The following RSPH14 variants were observed in gnomAD, a reference collection of about 807,000 sequenced individuals.
RSPH14 encodes radial spoke head 14 homolog.
RSPH14 carries 20 observed loss-of-function variants against 26.7 expected under a neutral mutation model. The ratio of observed to expected loss-of-function variants is 0.75; its 90% CI spans 0.53 to 1.09. The LOEUF (loss-of-function observed/expected upper bound fraction) is 1.09, where lower values mean the gene tolerates loss of function less well. Among genes scored for constraint, RSPH14 ranks in the 50% least tolerant of loss-of-function variants. RSPH14 has a pLI of 0.00. For missense variants in RSPH14, 449 were observed against 457.2 expected (o/e 0.98, Z 0.16); for synonymous variants, 177 against 189.3 (o/e 0.93, Z 0.53).
At chr22:23,158,762 C>T in the RSPH14 span, 8 of 740,960 alleles carry the variant, frequency 1.1e-5, no homozygotes, top group African/African-American at 6.9e-5. Context: ...CCTGCTCAGC[C>T]AGTGTGGGCC....
chr22:23,110,323 C>T (rs894880524), intron 4 of RSPH14, among the ~76,000 whole-genome samples: 3 of 152,176 alleles, frequency 2.0e-5, no homozygotes, highest in African/African-American at 7.2e-5. Context: ...AACTGGAGGG[C>T]ATCACGGCAG....
chr22:23,177,994 TCTCA>T, the RSPH14 span, among the ~76,000 whole-genome samples: 1 of 151,938 alleles, frequency 6.6e-6, no homozygotes, highest in Non-Finnish European at 1.5e-5. Flanking sequence ...AGAGATGGAG[TCTCA>T]CTATGTTGCC....
chr22:23,090,533 C>A (rs947121175), intron 4 of RSPH14, among the ~76,000 whole-genome samples: 1 of 152,146 alleles, frequency 6.6e-6, no homozygotes. Context: ...GCTCCTGACT[C>A]GCCCTTAAGT....
chr22:23,076,165 C>T (rs749274635), intron 4 of RSPH14, among the ~76,000 whole-genome samples: 3 of 152,170 alleles, frequency 2.0e-5, no homozygotes, highest in Non-Finnish European at 2.9e-5. Context: ...TGTAGAACAG[C>T]GCCATGTTCC....
At chr22:23,155,570 G>A in the RSPH14 span, among the ~76,000 whole-genome samples, 2 of 152,346 alleles carry the variant, frequency 1.3e-5, no homozygotes, top group Admixed American at 6.5e-5. Context: ...AGCCACTGCT[G>A]GAGGCCCCGC....
upstream of RSPH14, chr22:23,145,935 A>C (rs2070746638): frequency 1.0e-5 from 10 of 978,264 alleles, no homozygotes; most frequent in South Asian, 4.7e-4. Flanking sequence ...CCCCAGGCCC[A>C]CCTAGAGCCT....
chr22:23,145,059 G>GT, upstream of RSPH14: 1 of 442,604 alleles, frequency 2.3e-6, no homozygotes, highest in East Asian at 3.7e-5. Flanking sequence ...TCAGTAGATG[G>GT]TAGGCAGGTC....
intron 4 of RSPH14, chr22:23,124,322 T>G (rs1479621096): frequency 2.5e-6 from 1 of 393,670 alleles, no homozygotes. Context: ...CAAAACATAT[T>G]TTTTTTCAGG....
At chr22:23,124,214 G>GTTT (rs755464439) in intron 4 of RSPH14, 5 of 146,566 alleles carry the variant, frequency 3.4e-5, no homozygotes, top group Non-Finnish European at 1.5e-5. Flanking sequence ...TTGTTTTTTG[G>GTTT]TTTTTTTTTT....
the RSPH14 span, chr22:23,153,398 C>T: frequency 4.4e-6 from 1 of 225,280 alleles, no homozygotes; most frequent in Non-Finnish European, 7.4e-6. Flanking sequence ...TCCCCAATGC[C>T]CACCCCACTC....
intron 4 of RSPH14, chr22:23,096,062 G>T: frequency 6.2e-7 from 1 of 1,607,824 alleles, no homozygotes; most frequent in Non-Finnish European, 8.5e-7. Context: ...GATCACACCC[G>T]AGCTGCTGGG....
At chr22:23,152,563 C>G in the RSPH14 span, 5 of 1,595,150 alleles carry the variant, frequency 3.1e-6, no homozygotes, top group East Asian at 1.1e-4. Context: ...CCACCTCCCC[C>G]AGCACCAGGT....
At chr22:23,130,496 A>AAAAGAAAGAAAGAAAGAAAG (rs1555939817) in intron 4 of RSPH14, among the ~76,000 whole-genome samples, 1 of 110,684 alleles carries the variant, frequency 9.0e-6, no homozygotes. Flanking sequence ...GAAGGAAAGA[A>AAAAGAAAGAAAGAAAGAAAG]AAAGAAAGAA....
intron 4 of RSPH14, among the ~76,000 whole-genome samples, chr22:23,066,434 A>G (rs1050256240): frequency 5.9e-5 from 9 of 152,202 alleles, no homozygotes; most frequent in Non-Finnish European, 8.8e-5. Flanking sequence ...AGATGGTGGC[A>G]AAGCCAGGCG....
chr22:23,165,190 T>C, the RSPH14 span, among the ~76,000 whole-genome samples: 1 of 152,136 alleles, frequency 6.6e-6, no homozygotes, highest in East Asian at 1.9e-4. Context: ...AGGTGCTCAA[T>C]AGATGTGTAA....
At chr22:23,174,470 T>C in the RSPH14 span, among the ~76,000 whole-genome samples, 1 of 151,836 alleles carries the variant, frequency 6.6e-6, no homozygotes, top group Admixed American at 6.6e-5. Flanking sequence ...ACAAGGGAAA[T>C]TGAGGGGGAA....
At chr22:23,076,675 CA>C (rs1239284656) in intron 4 of RSPH14, among the ~76,000 whole-genome samples, 1 of 152,212 alleles carries the variant, frequency 6.6e-6, no homozygotes, top group African/African-American at 2.4e-5. Flanking sequence ...GGGCCTTTGT[CA>C]GACACGGGGA....
intron 4 of RSPH14, among the ~76,000 whole-genome samples, chr22:23,102,342 T>C (rs897472756): frequency 5.3e-5 from 8 of 152,218 alleles, no homozygotes; most frequent in African/African-American, 1.9e-4. Context: ...CAGCATGTCC[T>C]GGCACCTATT....
intron 4 of RSPH14, among the ~76,000 whole-genome samples, chr22:23,068,819 G>C (rs1226733353): frequency 6.6e-6 from 1 of 152,236 alleles, no homozygotes; most frequent in Non-Finnish European, 1.5e-5. Flanking sequence ...GGCTCAGCCA[G>C]GTAGCACAGC....
Sources: allele counts gnomAD v4.1 joint callset (sites outside exome capture counted in the v4.1 genomes callset), GRCh38; gene constraint gnomAD v4.1.1; transcripts MANE v1.5; gene names NCBI Gene and HGNC (gene_info 2026-07-23, HGNC 2026-07-21).